SNTG1: variants seen among roughly 807,000 people sequenced by gnomAD.
SNTG1 encodes the protein syntrophin gamma 1.
In SNTG1, 39 loss-of-function variants were observed where a neutral mutation model predicts 74.7. That is an observed-to-expected ratio of 0.52 (90% CI 0.40 to 0.68). SNTG1 has a LOEUF of 0.68. Among genes scored for constraint, SNTG1 ranks in the 30% least tolerant of loss-of-function variants. The probability of loss-of-function intolerance (pLI) is 0.00; values close to 1 mark genes in which losing one functional copy is unlikely to be tolerated. For synonymous variants in SNTG1, 254 were observed against 217.1 expected (o/e 1.17, Z -1.49); for missense variants, 685 against 609.5 (o/e 1.12, Z -1.30).
chr8:49,996,340 A>T (rs1352954047), intron 1 of SNTG1, among the ~76,000 whole-genome samples: 1 of 151,844 alleles, frequency 6.6e-6, no homozygotes, highest in Non-Finnish European at 1.5e-5. Context: ...AAGTGTATCA[A>T]GGTAAAAAAT....
intron 17 of SNTG1, among the ~76,000 whole-genome samples, chr8:50,738,786 C>T (rs1235921067): frequency 8.2e-6 from 1 of 121,772 alleles, no homozygotes; most frequent in Non-Finnish European, 1.6e-5. Context: ...TTCCACAAAC[C>T]TGACAAAAAA....
At chr8:50,084,187 C>T (rs748800283) in intron 1 of SNTG1, among the ~76,000 whole-genome samples, 8 of 152,072 alleles carry the variant, frequency 5.3e-5, no homozygotes, top group South Asian at 2.1e-4. Context: ...ACTGGCCAGG[C>T]GCAGTGGCTC....
At chr8:50,713,165 T>G (rs2095466545) in intron 17 of SNTG1, among the ~76,000 whole-genome samples, 1 of 152,200 alleles carries the variant, frequency 6.6e-6, no homozygotes, top group South Asian at 2.1e-4. Flanking sequence ...CAGCATCTGT[T>G]GTTTCCTGAC....
rs186063001 is a variant in SNTG1 at position 50,630,375 on chromosome 8, A to G, written c.850-26534A>G. 4.3e-3 allele frequency among the ~76,000 whole-genome samples: 657 copies of G among 152,304 alleles called. 9 individuals carry two copies. The highest frequency in any genetic ancestry group is 0.014 in the African/African-American group (594 of 41,576). ...GAGCTCTTAAATCCTAATAAATGCC[A>G]TGTGTGATAAAGGCAGCCTAATAAT... is the stretch of plus-strand genomic sequence containing the variant. On this transcript the variant is annotated intron_variant, in intron 13 of 18. Transcript: ENST00000642720.
chr8:50,158,901 G>T (rs185178595), intron 1 of SNTG1, among the ~76,000 whole-genome samples: 1 of 152,208 alleles, frequency 6.6e-6, no homozygotes, highest in African/African-American at 2.4e-5. Flanking sequence ...AATAATACTA[G>T]ACTATTTTCC....
chr8:50,694,539 ATTACTC>A (rs2095396343), intron 15 of SNTG1, among the ~76,000 whole-genome samples: 1 of 152,088 alleles, frequency 6.6e-6, no homozygotes, highest in African/African-American at 2.4e-5. Context: ...TTTTCTACCA[ATTACTC>A]CAAATAATTC....
chr8:50,224,576 A>G (rs1305333863), intron 2 of SNTG1, among the ~76,000 whole-genome samples: 2 of 152,174 alleles, frequency 1.3e-5, no homozygotes, highest in Admixed American at 1.3e-4. Flanking sequence ...GCAGTTGTAA[A>G]CCAAAAGTAA....
At chr8:50,645,068 A>G (rs1305739375) in intron 13 of SNTG1, among the ~76,000 whole-genome samples, 1 of 152,024 alleles carries the variant, frequency 6.6e-6, no homozygotes, top group Non-Finnish European at 1.5e-5. Flanking sequence ...AGCTGCTTTC[A>G]GTTGTAACAT....
chr8:50,602,932 T>C (rs2094785936), intron 13 of SNTG1, among the ~76,000 whole-genome samples: 1 of 150,570 alleles, frequency 6.6e-6, no homozygotes, highest in East Asian at 2.0e-4. Flanking sequence ...CTCTTGCTGG[T>C]TTTAGAGTTC....
chr8:50,243,498 T>C (rs1385403645), intron 2 of SNTG1, among the ~76,000 whole-genome samples: 1 of 152,148 alleles, frequency 6.6e-6, no homozygotes, highest in Admixed American at 6.6e-5. Context: ...GAAGGGATTT[T>C]AAAATGCAAA....
intron 2 of SNTG1, among the ~76,000 whole-genome samples, chr8:50,242,900 T>C (rs879701102): frequency 6.6e-6 from 1 of 151,932 alleles, no homozygotes; most frequent in Non-Finnish European, 1.5e-5. Context: ...ATAATGTATG[T>C]TTTTAGAATA....
intron 1 of SNTG1, among the ~76,000 whole-genome samples, chr8:49,947,520 C>A (rs79899694): frequency 0.011 from 1,629 of 152,260 alleles, 28 homozygotes; most frequent in African/African-American, 0.037. Context: ...GTATAAATGG[C>A]ATCTTCCAGG....
At chr8:49,994,119 G>C (rs916608725) in intron 1 of SNTG1, among the ~76,000 whole-genome samples, 1 of 151,858 alleles carries the variant, frequency 6.6e-6, no homozygotes, top group African/African-American at 2.4e-5. Flanking sequence ...CAAGTATATG[G>C]ATATACCTAT....
chr8:50,506,198 G>A (rs1190586740), intron 9 of SNTG1, among the ~76,000 whole-genome samples: 1 of 151,942 alleles, frequency 6.6e-6, no homozygotes, highest in Non-Finnish European at 1.5e-5. Context: ...CCGTTCCATT[G>A]TTCTATGTGT....
chr8:50,099,766 T>A (rs2080056272), intron 1 of SNTG1, among the ~76,000 whole-genome samples: 1 of 152,144 alleles, frequency 6.6e-6, no homozygotes, highest in Admixed American at 6.5e-5. Flanking sequence ...CATAAATCTG[T>A]TGGTTATTTG....
Position 50,792,846 on chromosome 8 carries a change from T to C in SNTG1, c.*17T>C, listed in dbSNP as rs755614850. 3 of 1,609,634 alleles carry C rather than the reference T, an allele frequency of 1.9e-6. No individual in the cohort carries two copies. The highest frequency in any genetic ancestry group is 1.3e-5 in the African/African-American group (1 of 74,862). On this transcript the variant is annotated 3_prime_UTR_variant, in exon 19 of 19. Transcript: ENST00000642720. ...ACAACTTGACATACTGAACTCTTCA[T>C]TGACACACCCCATGACTGTATAAGC...
At chr8:50,319,334 A>C (rs1197826355) in intron 2 of SNTG1, among the ~76,000 whole-genome samples, 3 of 151,864 alleles carry the variant, frequency 2.0e-5, no homozygotes, top group East Asian at 1.9e-4. Context: ...ACTGCACTCC[A>C]GCCTGGGGGA....
At chr8:50,230,037 A>T (rs1431534625) in intron 2 of SNTG1, among the ~76,000 whole-genome samples, 1 of 151,498 alleles carries the variant, frequency 6.6e-6, no homozygotes, top group Non-Finnish European at 1.5e-5. Context: ...GACTTAAATG[A>T]AAATGACAAT....
chr8:49,939,417 A>T (rs1431317645), intron 1 of SNTG1, among the ~76,000 whole-genome samples: 1 of 152,222 alleles, frequency 6.6e-6, no homozygotes, highest in Non-Finnish European at 1.5e-5. Context: ...TAGTATACAC[A>T]CCACAAATGC....
Sources: allele counts gnomAD v4.1 joint callset (sites outside exome capture counted in the v4.1 genomes callset), GRCh38; gene constraint gnomAD v4.1.1; transcripts MANE v1.5; gene names NCBI Gene and HGNC (gene_info 2026-07-23, HGNC 2026-07-21).